VPS4B: variants seen among roughly 807,000 people sequenced by gnomAD.
The protein encoded by VPS4B is vacuolar protein sorting 4 homolog B, also known as vacuolar protein sorting-associated protein 4B.
Under a neutral mutation model 56.1 loss-of-function variants are expected in VPS4B, and 23 were observed. That is an observed-to-expected ratio of 0.41 (90% confidence interval 0.30 to 0.58). The LOEUF (loss-of-function observed/expected upper bound fraction) is 0.58. Ranked by LOEUF, VPS4B falls within the 20% of genes least tolerant of loss-of-function variation. The probability of loss-of-function intolerance (pLI) is 0.29; values close to 1 mark genes in which losing one functional copy is unlikely to be tolerated. For missense variants in VPS4B, 372 were observed against 531.9 expected, an observed-to-expected ratio of 0.70 and a Z score of 2.96; for synonymous variants, 177 against 186.0, an observed-to-expected ratio of 0.95 and a Z score of 0.39.
rs149157047 is a variant in VPS4B at position 63,417,577 on chromosome 18, TTCTC to T, written c.27+4652_27+4655del. ...TCATCAGGTGTGGGCTGGGACTCAT[TTCTC>T]TCTGTTTCCTCCCCCCCTACATCAG... On this transcript the variant is annotated intron_variant, in intron 1 of 10. Transcript: ENST00000238497. 6.1e-3 allele frequency among the ~76,000 whole-genome samples: 934 copies of T among 152,246 alleles called. 8 individuals are homozygous for T. The highest frequency in any genetic ancestry group is 0.021 in the African/African-American group (862 of 41,536).
chr18:63,400,655 G>T lies in VPS4B; in HGVS notation c.533C>A (p.Thr178Lys). 2 of 1,606,174 alleles carry T rather than the reference G, an allele frequency of 1.2e-6. No homozygotes were observed. Among genetic ancestry groups the T allele is most frequent in the Non-Finnish European group, 1.7e-6 (2 of 1,178,348 alleles). ...RGILLFGPPG[T>K]GKSYLAKAVA... Reference sequence around the variant, plus strand: ...AGCTTTGGCTAAGTAGGACTTTCCTGTTCCAGGCGGCCCAAATAATAGGAT... The same window carrying T: ...AGCTTTGGCTAAGTAGGACTTTCCTTTTCCAGGCGGCCCAAATAATAGGAT... Residue 178 changes from threonine to lysine, a missense_variant, in exon 6 of 11, where the codon ACA (threonine) becomes AAA (lysine). Thr to Lys is a moderately conservative substitution (Grantham distance 78, BLOSUM62 -1). Coordinates refer to ENST00000238497, the MANE Select transcript of VPS4B (RefSeq NM_004869.4).
chr18:63,419,408 C>A (rs1465749536), intron 1 of VPS4B, among the ~76,000 whole-genome samples: 4 of 151,206 alleles, frequency 2.6e-5, no homozygotes, highest in African/African-American at 4.9e-5. Flanking sequence ...TAGAGTGAGA[C>A]TCTGTCTCAA....
intron 1 of VPS4B, among the ~76,000 whole-genome samples, chr18:63,422,025 T>C (rs1916314474): frequency 1.3e-5 from 2 of 152,170 alleles, no homozygotes; most frequent in African/African-American, 2.4e-5. Flanking sequence ...ACAAAGCCAG[T>C]AGCTCGGGAG....
chr18:63,402,165 T>C (rs1329792605), intron 5 of VPS4B, among the ~76,000 whole-genome samples: 1 of 152,244 alleles, frequency 6.6e-6, no homozygotes, highest in East Asian at 1.9e-4. Flanking sequence ...TGTATACATT[T>C]ACAAGTCAGT....
At chr18:63,408,839 T>C (rs1915972155) in intron 3 of VPS4B, among the ~76,000 whole-genome samples, 1 of 152,206 alleles carries the variant, frequency 6.6e-6, no homozygotes, top group Non-Finnish European at 1.5e-5. Flanking sequence ...AAAACTGGCA[T>C]CGCCTTGTCA....
intron 4 of VPS4B, among the ~76,000 whole-genome samples, chr18:63,405,536 G>T (rs1422506351): frequency 6.6e-6 from 1 of 152,062 alleles, no homozygotes; most frequent in Non-Finnish European, 1.5e-5. Flanking sequence ...ATTTCATCCT[G>T]AAATTTCAAA....
intron 10 of VPS4B, among the ~76,000 whole-genome samples, chr18:63,392,707 C>T (rs1915578141): frequency 6.7e-6 from 1 of 149,684 alleles, no homozygotes; most frequent in African/African-American, 2.5e-5. Flanking sequence ...CTCGGCCTCC[C>T]AAAGTGTTGG....
chr18:63,393,220 A>C (rs1463153407), intron 10 of VPS4B, among the ~76,000 whole-genome samples, 189 bp downstream of exon 10: 2 of 152,208 alleles, frequency 1.3e-5, no homozygotes, highest in Non-Finnish European at 2.9e-5. Context: ...TCTAAACCCA[A>C]GAAAATAGTT....
intron 2 of VPS4B, 131 bp downstream of exon 2, chr18:63,411,336 G>T: frequency 1.7e-6 from 1 of 591,118 alleles, no homozygotes; most frequent in Non-Finnish European, 2.6e-6. Flanking sequence ...TAGAAAGAAA[G>T]TGGAGTATTT....
chr18:63,419,396 AAT>A (rs1916242951), intron 1 of VPS4B, among the ~76,000 whole-genome samples: 2 of 152,186 alleles, frequency 1.3e-5, no homozygotes, highest in East Asian at 1.9e-4. Context: ...CTGCCTGGGC[AAT>A]AGAGTGAGAC....
chr18:63,415,561 T>A (rs1916143891), intron 1 of VPS4B: 1 of 279,750 alleles, frequency 3.6e-6, no homozygotes, highest in Non-Finnish European at 7.4e-6. Context: ...AATGTCCAGC[T>A]GGAATTCAAT....
At chr18:63,415,491 G>A (rs1916142494) in intron 1 of VPS4B, 1 of 303,574 alleles carries the variant, frequency 3.3e-6, no homozygotes. Context: ...GCATAAGCTT[G>A]GCAATTTTTC....
intron 4 of VPS4B, among the ~76,000 whole-genome samples, chr18:63,406,469 C>T (rs1308108468): frequency 6.6e-6 from 1 of 152,144 alleles, no homozygotes; most frequent in Admixed American, 6.5e-5. Context: ...CAAGGCTGAA[C>T]CTATAAAATG....
At chr18:63,401,474 G>C (rs957788729) in intron 5 of VPS4B, among the ~76,000 whole-genome samples, 1 of 152,026 alleles carries the variant, frequency 6.6e-6, no homozygotes. Context: ...GGCTGGTCTC[G>C]ATCTTCTGAC....
chr18:63,413,086 T>C (rs780659602), intron 1 of VPS4B, among the ~76,000 whole-genome samples: 1 of 152,134 alleles, frequency 6.6e-6, no homozygotes, highest in Non-Finnish European at 1.5e-5. Context: ...TATCTACATG[T>C]GATAAAACTG....
At chr18:63,422,163 C>T in intron 1 of VPS4B, 70 bp downstream of exon 1, 4 of 1,397,822 alleles carry the variant, frequency 2.9e-6, no homozygotes, top group Non-Finnish European at 3.8e-6. Flanking sequence ...CTTCTCCCCG[C>T]CCCCCACCCG....
At chr18:63,392,875 T>A (rs930925051) in intron 10 of VPS4B, among the ~76,000 whole-genome samples, 2 of 151,972 alleles carry the variant, frequency 1.3e-5, no homozygotes, top group Admixed American at 6.6e-5. Context: ...CTCAGCTGAG[T>A]AGCTGGATTG....
intron 1 of VPS4B, among the ~76,000 whole-genome samples, chr18:63,421,051 A>G (rs920622829): frequency 6.6e-5 from 10 of 151,910 alleles, no homozygotes; most frequent in South Asian, 2.1e-4. Flanking sequence ...AAAAAAAAAA[A>G]AAAGAAAGAA....
At chr18:63,403,061 G>T (rs1915846337) in intron 5 of VPS4B, among the ~76,000 whole-genome samples, 1 of 152,336 alleles carries the variant, frequency 6.6e-6, no homozygotes, top group Non-Finnish European at 1.5e-5. Context: ...ACTAGAACTT[G>T]TAAGTTTCCC....
Sources: gnomAD v4.1 joint callset for allele counts (sites outside exome capture counted in the v4.1 genomes callset) on GRCh38, gnomAD v4.1.1 for gene constraint, MANE v1.5 for transcripts, NCBI Gene and HGNC (gene_info 2026-07-23, HGNC 2026-07-21) for gene names.